The following DNAH8 variants were observed in gnomAD, a reference collection of about 807,000 sequenced individuals.
DNAH8 encodes axonemal beta dynein heavy chain 8.
In DNAH8, 382 loss-of-function variants were observed where a neutral mutation model predicts 562.1. The observed-to-expected ratio is 0.68, with a 90% CI of 0.63 to 0.74. The LOEUF is 0.74. Ranked by LOEUF, DNAH8 falls within the 30% of genes least tolerant of loss-of-function variation. The probability of loss-of-function intolerance (pLI) is 0.00; values close to 1 mark genes in which losing one functional copy is unlikely to be tolerated. For missense variants in DNAH8, 5,203 were observed against 5,620.4 expected (o/e 0.93, Z 2.37); for synonymous variants, 1,881 against 1,919.4 (o/e 0.98, Z 0.52).
intron 70 of DNAH8, 116 bp downstream of exon 70, chr6:38,918,256 A>G: frequency 1.4e-6 from 1 of 690,032 alleles, no homozygotes. Flanking sequence ...TGTCCCTGTT[A>G]CCAAATTTGT....
chr6:38,757,639 G>A (rs1396498882), intron 10 of DNAH8, among the ~76,000 whole-genome samples: 1 of 152,146 alleles, frequency 6.6e-6, no homozygotes, highest in African/African-American at 2.4e-5. Flanking sequence ...TTCTTCTAGG[G>A]TTTTTATGGT....
chr6:38,770,293 A>AC (rs1244516695), intron 11 of DNAH8, 120 bp from the exon 12 acceptor site: 26 of 588,606 alleles, frequency 4.4e-5, no homozygotes, highest in Non-Finnish European at 4.7e-5. Context: ...TATAAATAAA[A>AC]AAAAACTATA....
At chr6:38,731,472 CTG>C (rs1183469762) in intron 4 of DNAH8, among the ~76,000 whole-genome samples, 1 of 152,114 alleles carries the variant, frequency 6.6e-6, no homozygotes, top group Non-Finnish European at 1.5e-5. Flanking sequence ...GCTGATATAA[CTG>C]TAATTTTCCA....
chr6:38,802,079 C>T (rs1003852304), intron 21 of DNAH8, among the ~76,000 whole-genome samples: 8 of 151,556 alleles, frequency 5.3e-5, no homozygotes, highest in Non-Finnish European at 7.4e-5. Flanking sequence ...ACCACAGGCA[C>T]GCACCACCAT....
At chr6:38,821,865 T>G (rs1378521836) in intron 26 of DNAH8, among the ~76,000 whole-genome samples, 1 of 152,214 alleles carries the variant, frequency 6.6e-6, no homozygotes, top group Non-Finnish European at 1.5e-5. Flanking sequence ...CCCAGCCAGC[T>G]GGAGTCAAAA....
intron 11 of DNAH8, among the ~76,000 whole-genome samples, chr6:38,767,152 T>C (rs1171782312): frequency 6.6e-6 from 1 of 152,102 alleles, no homozygotes; most frequent in Admixed American, 6.6e-5. Flanking sequence ...TTCCCCAAAC[T>C]CAGGCCAGAC....
At chr6:38,991,454 C>A (rs191296177) in intron 88 of DNAH8, among the ~76,000 whole-genome samples, 1 of 152,256 alleles carries the variant, frequency 6.6e-6, no homozygotes, top group South Asian at 2.1e-4. Context: ...CAACTCTTAA[C>A]GTTTTATGAA....
chr6:38,880,170 C>A (rs560554920), intron 53 of DNAH8, among the ~76,000 whole-genome samples: 4 of 152,278 alleles, frequency 2.6e-5, no homozygotes, highest in African/African-American at 7.2e-5. Context: ...TAGCTTGAAT[C>A]TGGGAGGCGG....
At chr6:38,881,296 A>G (rs530261592) in intron 53 of DNAH8, among the ~76,000 whole-genome samples, 70 of 152,310 alleles carry the variant, frequency 4.6e-4, no homozygotes, top group African/African-American at 1.4e-3. Flanking sequence ...TGTTTCACCA[A>G]TATCAATGTA....
At chr6:38,897,891 T>C (rs1779808332) in intron 60 of DNAH8, among the ~76,000 whole-genome samples, 1 of 152,236 alleles carries the variant, frequency 6.6e-6, no homozygotes, top group Non-Finnish European at 1.5e-5. Context: ...CAAAGACTTG[T>C]GGATTTAACT....
chr6:38,968,327 C>T (rs1763109215), intron 82 of DNAH8, among the ~76,000 whole-genome samples: 1 of 152,102 alleles, frequency 6.6e-6, no homozygotes, highest in Non-Finnish European at 1.5e-5. Context: ...CTTTGTGCTT[C>T]AGAGGGCACC....
chr6:38,836,772 C>G (rs527715925), intron 32 of DNAH8, among the ~76,000 whole-genome samples: 2 of 152,126 alleles, frequency 1.3e-5, no homozygotes, highest in African/African-American at 4.8e-5. Context: ...TGATGGTGCT[C>G]TCTCATGCAA....
chr6:38,998,908 A>G (rs1765310914), intron 88 of DNAH8, among the ~76,000 whole-genome samples: 1 of 152,202 alleles, frequency 6.6e-6, no homozygotes, highest in African/African-American at 2.4e-5. Flanking sequence ...TTTGTGGCAT[A>G]TAGAGAGATT....
At chr6:39,000,473 G>T (rs9349108) in intron 88 of DNAH8, among the ~76,000 whole-genome samples, 7 of 151,932 alleles carry the variant, frequency 4.6e-5, no homozygotes, top group African/African-American at 1.7e-4. Context: ...GAGCACTACC[G>T]CCTGAGCTCT....
At chr6:38,723,301 G>A in intron 2 of DNAH8, 36 bp from the exon 3 acceptor site, 1 of 1,581,228 alleles carries the variant, frequency 6.3e-7, no homozygotes, top group Non-Finnish European at 8.6e-7. Context: ...TTTTTCTTCA[G>A]AATTGCAATT....
intron 3 of DNAH8, among the ~76,000 whole-genome samples, chr6:38,724,835 C>G (rs1311497763): frequency 6.6e-6 from 1 of 152,100 alleles, no homozygotes; most frequent in African/African-American, 2.4e-5. Flanking sequence ...GTGCAGACTG[C>G]TGGTGAGCTG....
At chr6:38,912,529 A>G (rs944633612) in intron 66 of DNAH8, among the ~76,000 whole-genome samples, 1 of 151,754 alleles carries the variant, frequency 6.6e-6, no homozygotes, top group Non-Finnish European at 1.5e-5. Flanking sequence ...CTGTGAAGTC[A>G]TAGTTATGAG....
At chr6:38,715,611 C>G (rs1351575819) in intron 1 of DNAH8, among the ~76,000 whole-genome samples, 196 bp downstream of exon 1, 1 of 152,130 alleles carries the variant, frequency 6.6e-6, no homozygotes, top group Non-Finnish European at 1.5e-5. Context: ...CTTTGTCAGT[C>G]TCTACACTGG....
At position 39,008,879 on chromosome 6, in the gene DNAH8, G is replaced by C; in HGVS notation, c.13280G>C (p.Gly4427Ala). 1 of 1,606,596 alleles carries C rather than the reference G, an allele frequency of 6.2e-7. No homozygotes were observed. The highest frequency in any genetic ancestry group is 8.5e-7 in the Non-Finnish European group (1 of 1,173,264). The stretch of plus-strand genomic sequence containing the variant: ...ACCAACATTCAACCCAAAGAGAGTG[G>C]AGGTGGTGTGGGAGAGACCCGGGAG... The part of the protein sequence containing the change: ...TITNIQPKES[G>A]GGVGETREAI... Residue 4427 changes from glycine to alanine, a missense_variant, in exon 89 of 93, where the codon GGA becomes GCA. Transcript: ENST00000327475.
Sources: gnomAD v4.1 joint callset for allele counts (sites outside exome capture counted in the v4.1 genomes callset) on GRCh38, gnomAD v4.1.1 for gene constraint, MANE v1.5 for transcripts, NCBI Gene and HGNC (gene_info 2026-07-23, HGNC 2026-07-21) for gene names.